The following CEP152 variants were observed in gnomAD, a reference collection of about 807,000 sequenced individuals.
CEP152 encodes the protein centrosomal protein of 152 kDa.
In CEP152, 132 loss-of-function variants were observed where a neutral mutation model predicts 188.9. The ratio of observed to expected loss-of-function variants is 0.70; its 90% CI spans 0.61 to 0.81. The LOEUF is 0.81. CEP152 is among the 30% of genes least tolerant of loss of function. CEP152 has a pLI of 0.00. For missense variants in CEP152, 1,914 were observed against 1,969.8 expected (o/e 0.97, Z 0.54); for synonymous variants, 649 against 666.6 (o/e 0.97, Z 0.41).
intron 18 of CEP152, among the ~76,000 whole-genome samples, chr15:48,760,712 G>A (rs923191904): frequency 2.0e-5 from 3 of 151,990 alleles, no homozygotes; most frequent in South Asian, 2.1e-4. Flanking sequence ...CTACACCTGC[G>A]AACTTTCCTA....
At position 48,769,093 on chromosome 15, in the gene CEP152, A is replaced by C. The variant is rs1478274347; in HGVS notation, c.1783-12T>G. Reference sequence around the variant, plus strand: ...GTATCTGTTTTAGTCTGAATATTAAAAGGTCAAAAGTTTTACAAGTTTTAA... The same window carrying C: ...GTATCTGTTTTAGTCTGAATATTAACAGGTCAAAAGTTTTACAAGTTTTAA... On this transcript the variant is annotated splice_polypyrimidine_tract_variant and intron_variant, in intron 13 of 26. Coordinates refer to ENST00000380950, the MANE Select transcript of CEP152 (RefSeq NM_001194998.2). The C allele has an allele frequency of 6.3e-7, 1 of 1,595,496 alleles. No individual in the cohort carries two copies. The highest frequency in any genetic ancestry group is 2.2e-5 in the East Asian group (1 of 44,620).
chr15:48,782,071 CA>C (rs1896287128), intron 11 of CEP152, 67 bp downstream of exon 11: 2 of 1,422,614 alleles, frequency 1.4e-6, no homozygotes, highest in Non-Finnish European at 9.9e-7. Flanking sequence ...ACCCAAGATT[CA>C]AAAAGGTGAT....
At chr15:48,750,068 A>G (rs918456680) in intron 21 of CEP152, among the ~76,000 whole-genome samples, 4 of 152,152 alleles carry the variant, frequency 2.6e-5, no homozygotes, top group African/African-American at 9.6e-5. Flanking sequence ...ACATATATAC[A>G]TAAGAGCACA....
intron 2 of CEP152, among the ~76,000 whole-genome samples, chr15:48,801,078 C>A (rs961753492): frequency 1.3e-5 from 2 of 152,176 alleles, no homozygotes; most frequent in Non-Finnish European, 2.9e-5. Context: ...ACAAACCATA[C>A]AATAATCTTC....
At chr15:48,759,700 A>C (rs952289356) in intron 19 of CEP152, among the ~76,000 whole-genome samples, 2 of 152,234 alleles carry the variant, frequency 1.3e-5, no homozygotes, top group Admixed American at 6.5e-5. Flanking sequence ...GGAAGAGTAC[A>C]CATGGTTATA....
At chr15:48,746,230 T>C (rs1330536382) in intron 22 of CEP152, among the ~76,000 whole-genome samples, 1 of 152,240 alleles carries the variant, frequency 6.6e-6, no homozygotes, top group Non-Finnish European at 1.5e-5. Flanking sequence ...TATCAACTCA[T>C]TGTTTTGAGT....
rs58654002 is a variant in CEP152, at chr15:48,776,039, G to GA, written c.1578-3349dup. ...ATAACTGGGTATTAAAAAGCTAAGG[G>GA]AAAAAAAAAACAGAAAATGATTGCC... On this transcript the variant is annotated intron_variant, in intron 12 of 26. Transcript: ENST00000380950. Among the ~76,000 whole-genome samples the GA allele has an allele frequency of 4.9e-4, 72 of 146,962 alleles. 1 individual carries two copies. Among genetic ancestry groups the GA allele is most frequent in the South Asian group, 1.1e-3 (5 of 4,694 alleles).
intron 9 of CEP152, among the ~76,000 whole-genome samples, chr15:48,784,557 A>C (rs927566447): frequency 8.5e-5 from 13 of 152,218 alleles, no homozygotes; most frequent in African/African-American, 2.9e-4. Context: ...TAAACACATG[A>C]AAACTCACTG....
chr15:48,765,716 C>G, intron 17 of CEP152: 1 of 352,750 alleles, frequency 2.8e-6, no homozygotes, highest in Non-Finnish European at 5.2e-6. Flanking sequence ...TGCAGTGGCG[C>G]AATCTCGACT....
At position 48,762,560 on chromosome 15, in the gene CEP152, A is replaced by T; in HGVS notation, c.2393T>A (p.Val798Glu). The T allele has an allele frequency of 6.2e-7, 1 of 1,614,102 alleles. No homozygotes were observed. The highest frequency in any genetic ancestry group is 1.7e-4 in the Middle Eastern group (1 of 6,060). Residue 798 changes from valine (V) to glutamate (E), a missense_variant, in exon 18 of 27, where the codon GTA becomes GAA. Transcript: ENST00000380950. ...TLDCGSQTDQ[V>E]TTSDVISKKE... ...CTTGGAAATAACATCACTGGTGGTTACTTGGTCAGTTTGGCTGCCACAATC... is the reference window on the plus strand; with the variant it reads ...CTTGGAAATAACATCACTGGTGGTTTCTTGGTCAGTTTGGCTGCCACAATC...
intron 22 of CEP152, among the ~76,000 whole-genome samples, chr15:48,745,981 C>T (rs981892311): frequency 3.3e-5 from 5 of 152,154 alleles, no homozygotes; most frequent in Non-Finnish European, 7.4e-5. Context: ...CCTCTCAACA[C>T]TCCGTAAGTT....
At chr15:48,776,879 C>T (rs1249392652) in intron 12 of CEP152, among the ~76,000 whole-genome samples, 1 of 151,704 alleles carries the variant, frequency 6.6e-6, no homozygotes, top group African/African-American at 2.4e-5. Context: ...CTAATTTTTT[C>T]ATAATGGAGG....
chr15:48,760,111 G>A, intron 19 of CEP152, 24 bp downstream of exon 19: 2 of 1,613,712 alleles, frequency 1.2e-6, no homozygotes. Context: ...GCCTCCTGAA[G>A]TGTCTTTGCA....
intron 9 of CEP152, among the ~76,000 whole-genome samples, 174 bp downstream of exon 9, chr15:48,788,627 G>A (rs997584937): frequency 6.6e-6 from 1 of 151,946 alleles, no homozygotes; most frequent in Non-Finnish European, 1.5e-5. Context: ...TTACAGGCGT[G>A]AGCCATTGCG....
chr15:48,754,692 T>C (rs994961995), intron 20 of CEP152, among the ~76,000 whole-genome samples: 3 of 152,190 alleles, frequency 2.0e-5, no homozygotes, highest in Admixed American at 6.5e-5. Context: ...AGGTCCCTTC[T>C]GGCTCTAAAA....
chr15:48,756,245 A>G lies in CEP152; in HGVS notation c.3003T>C (p.Phe1001=), dbSNP rs752346294. 1.2e-6 allele frequency: 2 copies of G among 1,607,976 alleles called. No individual in the cohort carries two copies. The highest frequency in any genetic ancestry group is 2.7e-5 in the African/African-American group (2 of 74,634). ...NEVLAAAKED[F]MKQKTELLLQ... is the part of the protein sequence containing the mutation. ...GAAGTAGTTCAGTTTTTTGTTTCAT[A>G]AAGTCTTCTTTAGCTGCCGCAAGCA... Residue 1001 remains phenylalanine (F), a synonymous_variant, in exon 20 of 27, where the codon TTT becomes TTC. Coordinates refer to ENST00000380950, the MANE Select transcript of CEP152 (RefSeq NM_001194998.2).
chr15:48,753,682 C>A (rs1319814761), intron 20 of CEP152, among the ~76,000 whole-genome samples: 2 of 152,150 alleles, frequency 1.3e-5, no homozygotes, highest in Non-Finnish European at 2.9e-5. Context: ...GGGAGAAAAG[C>A]AACAACCTTT....
chr15:48,740,911 G>A, intron 26 of CEP152: 1 of 429,004 alleles, frequency 2.3e-6, no homozygotes, highest in Non-Finnish European at 3.1e-6. Context: ...CCACCTGGTT[G>A]CTGTTGGTTT....
chr15:48,752,783 AC>A (rs1277302623), intron 20 of CEP152, among the ~76,000 whole-genome samples: 2 of 152,212 alleles, frequency 1.3e-5, no homozygotes, highest in Non-Finnish European at 2.9e-5. Flanking sequence ...ACGTGATTAA[AC>A]CACATGAAAG....
Sources: allele counts gnomAD v4.1 joint callset (sites outside exome capture counted in the v4.1 genomes callset), GRCh38; gene constraint gnomAD v4.1.1; transcripts MANE v1.5; gene names NCBI Gene and HGNC (gene_info 2026-07-23, HGNC 2026-07-21).